AXIN1: variants seen among roughly 807,000 people sequenced by gnomAD.
AXIN1 encodes the protein axin-1.
Under a neutral mutation model 76.4 loss-of-function variants are expected in AXIN1, and 30 were observed. The ratio of observed to expected loss-of-function variants is 0.39; its 90% CI spans 0.29 to 0.53. The LOEUF (loss-of-function observed/expected upper bound fraction) is 0.53, where lower values mean the gene tolerates loss of function less well. Among genes scored for constraint, AXIN1 ranks in the 20% least tolerant of loss-of-function variants. The pLI is 0.66. For missense variants in AXIN1, 1,140 were observed against 1,198.8 expected (o/e 0.95, Z 0.72); for synonymous variants, 545 against 501.4 (o/e 1.09, Z -1.16).
intron 5 of AXIN1, among the ~76,000 whole-genome samples, chr16:298,500 A>C (rs371015565): frequency 6.6e-6 from 1 of 152,098 alleles, no homozygotes; most frequent in Non-Finnish European, 1.5e-5. Flanking sequence ...CTCTGCACAG[A>C]TTTAGTTTAG....
chr16:311,237 A>G (rs527597116), intron 3 of AXIN1, among the ~76,000 whole-genome samples: 2 of 151,512 alleles, frequency 1.3e-5, no homozygotes, highest in East Asian at 4.0e-4. Context: ...TCACTGTGTT[A>G]ACCACGATGG....
chr16:324,571 G>A (rs904172576), intron 2 of AXIN1, among the ~76,000 whole-genome samples: 1 of 152,340 alleles, frequency 6.6e-6, no homozygotes, highest in African/African-American at 2.4e-5. Flanking sequence ...GAAAACGCCC[G>A]CAGGTGGTCA....
At chr16:351,095 G>A (rs1405384489) in intron 1 of AXIN1, among the ~76,000 whole-genome samples, 2 of 147,680 alleles carry the variant, frequency 1.4e-5, no homozygotes, top group Admixed American at 6.9e-5. Context: ...TCACGCCATT[G>A]GACTCCAGCC....
chr16:291,274 C>T lies in AXIN1; in HGVS notation c.2210G>A (p.Arg737Gln), dbSNP rs148052443. The T allele has an allele frequency of 1.1e-5, 18 of 1,581,684 alleles. No homozygotes were observed. The highest frequency in any genetic ancestry group is 4.0e-5 in the African/African-American group (3 of 74,650). Residue 737 changes from arginine (R) to glutamine (Q), a missense_variant, in exon 9 of 11, where the codon CGG becomes CAG. Around this residue, in one of 3 missense-constraint regions of AXIN1, gnomAD observed 429 missense variants for 405.8 expected, o/e 1.06. Coordinates refer to ENST00000262320, the MANE Select transcript of AXIN1 (RefSeq NM_003502.4). ...CGCTGGCCTGACGCAGGCGCGTCCC[C>T]GCCGCATAACCTCCTGCACATACCT... ...KQRYVQEVMR[R>Q]GRACVRPACA...
intron 4 of AXIN1, among the ~76,000 whole-genome samples, chr16:305,787 G>A (rs944429894): frequency 1.3e-5 from 2 of 151,940 alleles, no homozygotes; most frequent in African/African-American, 4.8e-5. Context: ...CTCGTGATCC[G>A]CCTGCCTCAG....
chr16:329,272 CAAAA>C (rs1176095680), intron 2 of AXIN1, among the ~76,000 whole-genome samples: 4 of 71,182 alleles, frequency 5.6e-5, no homozygotes, highest in Admixed American at 1.9e-4. Flanking sequence ...GCGAGACTGT[CAAAA>C]AAAAAAAAAA....
At position 294,112 on chromosome 16, in the gene AXIN1, G is replaced by C. The variant is rs577511121; in HGVS notation, c.1956-394C>G. ...GGAAGTGGAGGTTACAGTGAGCCGG[G>C]ATCACGCCACCGCACTCCAGCCTGG... On this transcript the variant is annotated intron_variant, in intron 7 of 10. Coordinates refer to ENST00000262320, the MANE Select transcript of AXIN1 (RefSeq NM_003502.4). 1.8e-4 allele frequency among the ~76,000 whole-genome samples: 28 copies of C among 152,258 alleles called. No individual in the cohort carries two copies. The South Asian group carries it at 5.0e-3, about 27-fold the overall frequency.
chr16:345,924 T>C (rs777683393), intron 2 of AXIN1, among the ~76,000 whole-genome samples: 9 of 152,370 alleles, frequency 5.9e-5, no homozygotes, highest in African/African-American at 2.2e-4. Flanking sequence ...CATAAAGTCA[T>C]ATATTTTAGT....
intron 5 of AXIN1, among the ~76,000 whole-genome samples, chr16:299,536 G>C (rs757918549): frequency 6.6e-6 from 1 of 151,646 alleles, no homozygotes; most frequent in South Asian, 2.1e-4. Context: ...TGTATTTTTA[G>C]TAGAGACGGG....
intron 2 of AXIN1, among the ~76,000 whole-genome samples, chr16:341,199 G>T (rs556946548): frequency 3.9e-5 from 6 of 152,390 alleles, no homozygotes; most frequent in African/African-American, 1.4e-4. Flanking sequence ...CCACTGCACT[G>T]TGGGAGCCCC....
At chr16:302,657 G>C (rs887485848) in intron 5 of AXIN1, among the ~76,000 whole-genome samples, 3 of 152,208 alleles carry the variant, frequency 2.0e-5, no homozygotes, top group African/African-American at 4.8e-5. Flanking sequence ...CAGCTCACCC[G>C]GGTAGCGGGT....
chr16:335,495 A>G (rs956859397), intron 2 of AXIN1, among the ~76,000 whole-genome samples: 2 of 151,748 alleles, frequency 1.3e-5, no homozygotes, highest in African/African-American at 2.4e-5. Flanking sequence ...TCAGTACCAC[A>G]GCACGCCAAT....
intron 2 of AXIN1, among the ~76,000 whole-genome samples, chr16:334,270 T>C (rs1464207243): frequency 7.1e-6 from 1 of 141,454 alleles, no homozygotes; most frequent in Non-Finnish European, 1.5e-5. Context: ...AGTACACCAA[T>C]AACACAGCAC....
intron 4 of AXIN1, among the ~76,000 whole-genome samples, chr16:307,933 T>G (rs1171345110): frequency 6.6e-6 from 1 of 152,158 alleles, no homozygotes; most frequent in African/African-American, 2.4e-5. Context: ...GTGATGTGGG[T>G]TTCTCACTTG....
At chr16:310,135 G>C in intron 3 of AXIN1, 66 bp from the exon 4 acceptor site, 6 of 1,483,562 alleles carry the variant, frequency 4.0e-6, no homozygotes, top group Non-Finnish European at 5.5e-6. Context: ...CGTGCCAATA[G>C]AGCTCCTGGC....
At position 341,722 on chromosome 16, in the gene AXIN1, C is replaced by T. The variant is rs947540040; in HGVS notation, c.878+4426G>A. 1.6e-4 allele frequency among the ~76,000 whole-genome samples: 25 copies of T among 152,240 alleles called. 1 individual carries two copies. Among genetic ancestry groups the T allele is most frequent in the Admixed American group, 1.4e-3 (22 of 15,286 alleles). On this transcript the variant is annotated intron_variant, in intron 2 of 10. Coordinates refer to ENST00000262320, the MANE Select transcript of AXIN1 (RefSeq NM_003502.4). Reference sequence around the variant, plus strand: ...GCTGGGCTCCTGATTCTGGTGGGGACGTGGAGAACCTTTATGTCTAGCTCA... The same window carrying T: ...GCTGGGCTCCTGATTCTGGTGGGGATGTGGAGAACCTTTATGTCTAGCTCA...
At chr16:337,611 C>A (rs1030802336) in intron 2 of AXIN1, among the ~76,000 whole-genome samples, 5 of 152,206 alleles carry the variant, frequency 3.3e-5, no homozygotes, top group African/African-American at 1.2e-4. Flanking sequence ...GAGGACAGCG[C>A]CTGCCAGGAC....
At position 304,353 on chromosome 16, in the gene AXIN1, G is replaced by C. The variant is rs142097791; in HGVS notation, c.1205C>G (p.Thr402Arg). Residue 402 changes from threonine to arginine, a missense_variant, in exon 5 of 11, where the codon ACG becomes AGG. Physicochemically the swap from Thr to Arg is moderately conservative, Grantham distance 71. Around this residue, in one of 3 missense-constraint regions of AXIN1, gnomAD observed 708 missense variants for 776.9 expected, o/e 0.91. Coordinates refer to ENST00000262320, the MANE Select transcript of AXIN1 (RefSeq NM_003502.4). ...CTCCAGCTTCTCCTCGGCCTCCCGC[G>C]TGCGCTGCACAGCCTCCAGGCGGTG... is the stretch of plus-strand genomic sequence containing the variant. ...LIHRLEAVQR[T>R]REAEEKLEER... 6.2e-7 allele frequency: 1 copy of C among 1,612,564 alleles called. No homozygotes were observed. Among genetic ancestry groups the C allele is most frequent in the Non-Finnish European group, 8.5e-7 (1 of 1,179,888 alleles).
At chr16:331,825 C>T (rs12921692) in intron 2 of AXIN1, among the ~76,000 whole-genome samples, 25,780 of 152,142 alleles carry the variant, frequency 0.17, 2,315 homozygotes, top group South Asian at 0.28. Flanking sequence ...GGCCCTCACG[C>T]CAGTGCCTCT....
Sources: gnomAD v4.1 joint callset for allele counts (sites outside exome capture counted in the v4.1 genomes callset) on GRCh38, gnomAD v4.1.1 for gene constraint, gnomAD v4.1.1 regional missense constraint, MANE v1.5 for transcripts, NCBI Gene and HGNC (gene_info 2026-07-23, HGNC 2026-07-21) for gene names.